OR7C1: variants seen among roughly 807,000 people sequenced by gnomAD.
OR7C1 encodes olfactory receptor family 7 subfamily C member 1.
For synonymous variants in OR7C1, 152 were observed against 160.7 expected (o/e 0.95, Z 0.41); for missense variants, 324 against 383.3 (o/e 0.85, Z 1.29).
At chr19:14,812,306 CAAA>C (rs2044695042) in intron 1 of OR7C1, among the ~76,000 whole-genome samples, 1 of 152,164 alleles carries the variant, frequency 6.6e-6, no homozygotes, top group African/African-American at 2.4e-5. Context: ...TAAGAAAAAA[CAAA>C]GAAGTGAAAT....
chr19:14,813,762 C>T, intron 1 of OR7C1, among the ~76,000 whole-genome samples: 1 of 151,966 alleles, frequency 6.6e-6, no homozygotes, highest in Non-Finnish European at 1.5e-5. Context: ...CTTGTGAAAA[C>T]TCACTCACTA....
At chr19:14,815,988 A>T (rs753452711) in intron 1 of OR7C1, among the ~76,000 whole-genome samples, 1 of 152,008 alleles carries the variant, frequency 6.6e-6, no homozygotes, top group Non-Finnish European at 1.5e-5. Context: ...TGCCCAGTTA[A>T]TTTTGAAAAA....
intron 1 of OR7C1, among the ~76,000 whole-genome samples, chr19:14,833,661 G>A (rs1472069737): frequency 6.6e-6 from 1 of 151,968 alleles, no homozygotes; most frequent in Non-Finnish European, 1.5e-5. Flanking sequence ...AACTGAAAAA[G>A]AATCATTGAA....
rs142303444 is a variant in OR7C1, at chr19:14,827,822, G to T, written c.-623+7252C>A. On this transcript the variant is annotated intron_variant, in intron 1 of 4. Coordinates refer to ENST00000641666, the Ensembl canonical transcript of OR7C1. The stretch of plus-strand genomic sequence containing the variant: ...AGGATGCTAGAACCAGCAGTCCACA[G>T]AGGTGAGGGTTCATAATGACCATGT... The T allele has an allele frequency of 3.8e-4, 618 of 1,614,224 alleles. 1 individual carries two copies. In the Middle Eastern group the frequency reaches 0.011, roughly 28 times the overall value.
At chr19:14,834,831 T>C (rs2044869365) in intron 1 of OR7C1, among the ~76,000 whole-genome samples, 1 of 152,248 alleles carries the variant, frequency 6.6e-6, no homozygotes, top group African/African-American at 2.4e-5. Flanking sequence ...ATTGGGCTTC[T>C]GTGACCTTCA....
intron 1 of OR7C1, among the ~76,000 whole-genome samples, chr19:14,828,552 A>G (rs2044797889): frequency 6.6e-6 from 1 of 152,008 alleles, no homozygotes; most frequent in Non-Finnish European, 1.5e-5. Flanking sequence ...CGAGGTCAAG[A>G]GGTTGAGACC....
rs571827453 is a variant in OR7C1 at position 14,807,351 on chromosome 19, T to C, written c.-435+2455A>G. Among the ~76,000 whole-genome samples, 262 of 152,092 alleles carry C rather than the reference T, an allele frequency of 1.7e-3. 7 individuals are homozygous for C. The highest frequency in any genetic ancestry group is 6.1e-3 in the African/African-American group (252 of 41,358). On this transcript the variant is annotated intron_variant, in intron 2 of 4. Transcript: ENST00000641666. ...AATAGAACTCAATTATATTTGGAAG[T>C]GGTCATGTGTCCAGCTAAGATACTA...
At chr19:14,823,281 CATCTCTACTAAAAATAAAAAATT>C (rs1197126018) in intron 1 of OR7C1, among the ~76,000 whole-genome samples, 1 of 141,150 alleles carries the variant, frequency 7.1e-6, no homozygotes, top group African/African-American at 2.8e-5. Flanking sequence ...GGCGAAACCC[CATCTCTACTAAAAATAAAAAATT>C]AGGTGGGCGT....
At chr19:14,831,533 C>T (rs962368206) in intron 1 of OR7C1, among the ~76,000 whole-genome samples, 16 of 152,008 alleles carry the variant, frequency 1.1e-4, no homozygotes, top group Admixed American at 2.0e-4. Flanking sequence ...CAAGCTCAGC[C>T]TCCCGGGTTC....
chr19:14,811,191 T>C lies in OR7C1; in HGVS notation c.-622-1198A>G, dbSNP rs950765185. ...GCTGCTGTCACATGTAACCACAAAC[T>C]GGGTGGCTGAAAACAACAGGAATGT... On this transcript the variant is annotated intron_variant, in intron 1 of 4. Transcript: ENST00000641666. Among the ~76,000 whole-genome samples, 151 of 151,854 alleles carry C rather than the reference T, an allele frequency of 9.9e-4. 2 individuals are homozygous for C. Among genetic ancestry groups the C allele is most frequent in the African/African-American group, 3.6e-3 (147 of 41,226 alleles).
In OR7C1 at chr19:14,832,899, TC is replaced by T. The variant is rs1282709271; in HGVS notation, c.-623+2174del. On this transcript the variant is annotated intron_variant, in intron 1 of 4. Transcript: ENST00000641666. ...ATGCTATAATAATAATTTAATCATA[TC>T]AACATAAATTAATAAATTGGCAAAA... is the stretch of plus-strand genomic sequence containing the variant. 1.6e-3 allele frequency among the ~76,000 whole-genome samples: 245 copies of T among 152,322 alleles called. 1 individual carries two copies. Among genetic ancestry groups the T allele is most frequent in the African/African-American group, 5.7e-3 (238 of 41,578 alleles).
At chr19:14,801,563 T>C (rs984218620) in intron 2 of OR7C1, among the ~76,000 whole-genome samples, 1 of 152,208 alleles carries the variant, frequency 6.6e-6, no homozygotes, top group Non-Finnish European at 1.5e-5. Flanking sequence ...AACTCCAAAG[T>C]ACCAATACTT....
chr19:14,798,854 C>T (rs117027851), exon 5 of OR7C1: 4,496 of 215,420 alleles, frequency 0.021, 106 homozygotes, highest in East Asian at 0.06. Context: ...ATGACTGGTC[C>T]CCAGCTAGCC....
At chr19:14,815,795 G>A (rs977473734) in intron 1 of OR7C1, among the ~76,000 whole-genome samples, 14 of 151,534 alleles carry the variant, frequency 9.2e-5, no homozygotes, top group Non-Finnish European at 1.9e-4. Flanking sequence ...GTGTGTGTGT[G>A]TGTGTGTGTG....
intron 1 of OR7C1, chr19:14,827,828 AG>A: frequency 8.7e-6 from 14 of 1,614,188 alleles, no homozygotes; most frequent in Non-Finnish European, 1.0e-5. Context: ...CACAGAGGTG[AG>A]GGTTCATAAT....
At chr19:14,824,905 A>G (rs1034176299) in intron 1 of OR7C1, 3 of 152,216 alleles carry the variant, frequency 2.0e-5, no homozygotes, top group African/African-American at 7.2e-5. Context: ...ATGCTACATT[A>G]TTTCACTTAT....
At chr19:14,799,744 G>T (rs372716593) in exon 5 of OR7C1, 14 of 1,613,960 alleles carry the variant, frequency 8.7e-6, no homozygotes, top group Non-Finnish European at 1.0e-5. Flanking sequence ...TGACCGTATA[G>T]TGCAGGGGGT....
At chr19:14,800,815 C>G (rs1184526502) in intron 2 of OR7C1, 51 bp from the exon 3 acceptor site, 1 of 152,256 alleles carries the variant, frequency 6.6e-6, no homozygotes, top group Admixed American at 6.5e-5. Flanking sequence ...CCAGCCTTCC[C>G]TGAGCACTAT....
At chr19:14,820,100 A>G (rs1460091905) in intron 1 of OR7C1, among the ~76,000 whole-genome samples, 1 of 152,038 alleles carries the variant, frequency 6.6e-6, no homozygotes, top group Non-Finnish European at 1.5e-5. Context: ...TAGTAGAGAC[A>G]GGGTTTTACC....
Sources: gnomAD v4.1 joint callset for allele counts (sites outside exome capture counted in the v4.1 genomes callset) on GRCh38, gnomAD v4.1.1 for gene constraint, MANE v1.5 for transcripts, NCBI Gene and HGNC (gene_info 2026-07-23, HGNC 2026-07-21) for gene names.